The following MCM5 variants were observed in gnomAD, a reference collection of about 807,000 sequenced individuals.
MCM5 encodes the protein DNA replication licensing factor MCM5.
In MCM5, 46 loss-of-function variants were observed where a neutral mutation model predicts 79.9. The ratio of observed to expected loss-of-function variants is 0.58; its 90% CI spans 0.45 to 0.74. The LOEUF is 0.74. Ranked by LOEUF, MCM5 falls within the 30% of genes least tolerant of loss-of-function variation. The probability of loss-of-function intolerance (pLI) is 0.00; values close to 1 mark genes in which losing one functional copy is unlikely to be tolerated. For synonymous variants in MCM5, 404 were observed against 390.5 expected, an observed-to-expected ratio of 1.03 and a Z score of -0.41; for missense variants, 883 against 1,017.0, an observed-to-expected ratio of 0.87 and a Z score of 1.79.
intron 15 of MCM5, 99 bp downstream of exon 15, chr22:35,421,559 TC>T (rs1242809610): frequency 4.6e-6 from 7 of 1,535,744 alleles, no homozygotes; most frequent in African/African-American, 2.7e-5. Context: ...GCAGTGTGTG[TC>T]TTGCTTCTCT....
At chr22:35,454,329 T>C in the MCM5 span, among the ~76,000 whole-genome samples, 36,650 of 151,980 alleles carry the variant, frequency 0.24, 5,997 homozygotes, top group African/African-American at 0.47. Context: ...TGGGGAAATT[T>C]GTTGCCCTCT....
At chr22:35,444,981 C>T in the MCM5 span, among the ~76,000 whole-genome samples, 19 of 152,382 alleles carry the variant, frequency 1.2e-4, no homozygotes, top group African/African-American at 3.1e-4. Flanking sequence ...GACTCCTCTG[C>T]GGCCAGAGCG....
chr22:35,451,526 C>T, the MCM5 span, among the ~76,000 whole-genome samples: 1 of 152,238 alleles, frequency 6.6e-6, no homozygotes, highest in Non-Finnish European at 1.5e-5. Flanking sequence ...ATGACAAGCC[C>T]CAGACGGGCC....
chr22:35,453,825 G>T, the MCM5 span, among the ~76,000 whole-genome samples: 996 of 120,198 alleles, frequency 8.3e-3, 8 homozygotes, highest in African/African-American at 0.019. Flanking sequence ...TATATAGAGA[G>T]AGAGAGAGAG....
At chr22:35,412,804 A>G (rs1380322824) in intron 8 of MCM5, 123 bp downstream of exon 8, 1 of 887,110 alleles carries the variant, frequency 1.1e-6, no homozygotes. Context: ...TCAGTCTGCC[A>G]GGCACCTTTG....
At chr22:35,404,057 C>T (rs955860121) in intron 4 of MCM5, among the ~76,000 whole-genome samples, 3 of 152,144 alleles carry the variant, frequency 2.0e-5, no homozygotes, top group African/African-American at 7.2e-5. Flanking sequence ...TTACAGTGAG[C>T]TCTGATTGTG....
chr22:35,424,345 C>A lies in MCM5; in HGVS notation c.*90C>A. On this transcript the variant is annotated 3_prime_UTR_variant, in exon 17 of 17. Transcript: ENST00000216122. ...TTGACAATGTTGCTGGGACCTCTGC[C>A]TCCCCACTGCAGCCCTCGAACTTCC... 1.1e-6 allele frequency: 1 copy of A among 933,726 alleles called. No homozygotes were observed. Among genetic ancestry groups the A allele is most frequent in the Non-Finnish European group, 1.6e-6 (1 of 619,218 alleles). 57.8% of individuals were successfully genotyped at this position (933,726 alleles called of 1,614,324 possible). A position where few individuals can be genotyped will look rare whatever the true frequency, so the allele number is the denominator to read the frequency against.
the MCM5 span, among the ~76,000 whole-genome samples, chr22:35,441,467 A>G: frequency 2.0e-5 from 3 of 152,108 alleles, no homozygotes; most frequent in African/African-American, 4.8e-5. Context: ...GTACTCTTCT[A>G]TGTCAGTACC....
At chr22:35,412,845 G>A (rs1169979225) in intron 8 of MCM5, among the ~76,000 whole-genome samples, 164 bp downstream of exon 8, 1 of 152,196 alleles carries the variant, frequency 6.6e-6, no homozygotes, top group Non-Finnish European at 1.5e-5. Context: ...CAGCTGGCTA[G>A]TGGCTGATCT....
chr22:35,453,819 T>TATATATATAGAGAGAGAGAG, the MCM5 span, among the ~76,000 whole-genome samples: 16 of 81,532 alleles, frequency 2.0e-4, no homozygotes, highest in African/African-American at 9.0e-4. Context: ...TATATATATA[T>TATATATATAGAGAGAGAGAG]AGAGAGAGAG....
chr22:35,407,823 C>T (rs1932261421), intron 5 of MCM5, among the ~76,000 whole-genome samples: 1 of 152,212 alleles, frequency 6.6e-6, no homozygotes, highest in Non-Finnish European at 1.5e-5. Context: ...TATGTCTTTT[C>T]AGCCTCCCTT....
At chr22:35,448,254 A>C in the MCM5 span, among the ~76,000 whole-genome samples, 1 of 152,210 alleles carries the variant, frequency 6.6e-6, no homozygotes, top group Non-Finnish European at 1.5e-5. Flanking sequence ...GAAGAGAGCT[A>C]TGTGGAGAGC....
chr22:35,431,916 C>T, the MCM5 span, among the ~76,000 whole-genome samples: 2 of 152,224 alleles, frequency 1.3e-5, no homozygotes, highest in African/African-American at 4.8e-5. Flanking sequence ...GGCACCCTCT[C>T]ACTTTATGCC....
chr22:35,452,570 G>A, the MCM5 span, among the ~76,000 whole-genome samples: 1 of 152,196 alleles, frequency 6.6e-6, no homozygotes, highest in African/African-American at 2.4e-5. Flanking sequence ...ATGCGGAAAC[G>A]TCTGGCAGCG....
At chr22:35,431,858 A>G in the MCM5 span, among the ~76,000 whole-genome samples, 2 of 152,148 alleles carry the variant, frequency 1.3e-5, no homozygotes, top group African/African-American at 2.4e-5. Context: ...CCCTCCTTCC[A>G]GAAACACCCT....
At chr22:35,401,019 C>T (rs151053043) in intron 2 of MCM5, among the ~76,000 whole-genome samples, 118 of 152,216 alleles carry the variant, frequency 7.8e-4, no homozygotes, top group African/African-American at 2.6e-3. Flanking sequence ...GGGGTTTCGC[C>T]ATGTTCGCCA....
At chr22:35,437,532 G>A in the MCM5 span, among the ~76,000 whole-genome samples, 1 of 152,204 alleles carries the variant, frequency 6.6e-6, no homozygotes, top group Non-Finnish European at 1.5e-5. Context: ...TAAGCCTGAA[G>A]GCAGTTCTGC....
intron 14 of MCM5, 114 bp from the exon 15 acceptor site, chr22:35,421,204 C>T: frequency 1.0e-6 from 1 of 967,486 alleles, no homozygotes; most frequent in South Asian, 1.6e-5. Context: ...GGACACCTAG[C>T]AGTCTCCACC....
chr22:35,426,727 A>G (rs1359857066), downstream of MCM5, among the ~76,000 whole-genome samples: 1 of 152,146 alleles, frequency 6.6e-6, no homozygotes, highest in Non-Finnish European at 1.5e-5. Context: ...TGCTCCCAGG[A>G]AGGGCTGGGT....
Sources: allele counts gnomAD v4.1 joint callset (sites outside exome capture counted in the v4.1 genomes callset), GRCh38; gene constraint gnomAD v4.1.1; transcripts MANE v1.5; gene names NCBI Gene and HGNC (gene_info 2026-07-23, HGNC 2026-07-21).